Variants in TRAP1 observed in about 807,000 individuals in gnomAD.
TRAP1 encodes the protein TNF receptor associated protein 1.
In TRAP1, 102 loss-of-function variants were observed where a neutral mutation model predicts 89.1. The ratio of observed to expected loss-of-function variants is 1.15; its 90% CI spans 0.98 to 1.35. The LOEUF (loss-of-function observed/expected upper bound fraction) is 1.35. Among genes scored for constraint, TRAP1 ranks in the 40% most tolerant of loss-of-function variants. TRAP1 has a pLI of 0.00. For missense variants in TRAP1, 1,256 were observed against 945.3 expected, an observed-to-expected ratio of 1.33 and a Z score of -4.31; for synonymous variants, 508 against 388.0, an observed-to-expected ratio of 1.31 and a Z score of -3.64.
intron 1 of TRAP1, chr16:3,691,267 G>A (rs948204632): frequency 2.4e-5 from 6 of 251,218 alleles, no homozygotes; most frequent in Non-Finnish European, 3.8e-5. Context: ...AGGGGGTCTC[G>A]CTCTGTCACT....
At chr16:3,707,928 T>G (rs192332057) in intron 1 of TRAP1, among the ~76,000 whole-genome samples, 143 of 151,250 alleles carry the variant, frequency 9.5e-4, no homozygotes, top group African/African-American at 3.3e-3. Context: ...CTCCTGCGTG[T>G]AATCCCAGTA....
At position 3,677,776 on chromosome 16, in the gene TRAP1, G is replaced by A. The variant is rs369769321; in HGVS notation, c.544-118C>T. The A allele has an allele frequency of 2.7e-5, 33 of 1,235,730 alleles. No individual in the cohort carries two copies. The South Asian group carries it at 3.2e-4, about 12-fold the overall frequency. The allele number at this position is 1,235,730 out of a possible 1,614,324, so 76.5% of individuals were successfully genotyped here. On this transcript the variant is annotated intron_variant, in intron 5 of 17. Transcript: ENST00000246957. ...CCTTCATCCTGAAAACAGCCACACC[G>A]AGTACTTTTCCACCCCATTCTACAC...
At chr16:3,661,268 A>C (rs2043056936) in intron 16 of TRAP1, 1 of 152,168 alleles carries the variant, frequency 6.6e-6, no homozygotes, top group East Asian at 1.9e-4. Flanking sequence ...AAAAGAAAGA[A>C]ACTCAAAAGA....
intron 11 of TRAP1, among the ~76,000 whole-genome samples, chr16:3,667,757 ATT>A (rs745741003): frequency 1.1e-3 from 125 of 117,726 alleles, no homozygotes; most frequent in African/African-American, 2.5e-3. Flanking sequence ...TAACACATCA[ATT>A]TTTTTTTTTT....
At chr16:3,687,925 C>T (rs1307115163) in intron 3 of TRAP1, among the ~76,000 whole-genome samples, 1 of 148,874 alleles carries the variant, frequency 6.7e-6, no homozygotes, top group South Asian at 2.1e-4. Flanking sequence ...CGCAAGAGCA[C>T]ATAGGTGAAG....
At chr16:3,669,867 A>G (rs28464270) in intron 11 of TRAP1, among the ~76,000 whole-genome samples, 59,169 of 143,956 alleles carry the variant, frequency 0.41, 15,717 homozygotes, top group African/African-American at 0.75. Context: ...AAAAGATTTC[A>G]GAACAAAGAT....
At chr16:3,675,522 G>C (rs1206421279) in intron 7 of TRAP1, 125 bp from the exon 8 acceptor site, 2 of 880,344 alleles carry the variant, frequency 2.3e-6, no homozygotes, top group Non-Finnish European at 3.6e-6. Flanking sequence ...ACACTTCACA[G>C]GTACAGAAAC....
intron 1 of TRAP1, among the ~76,000 whole-genome samples, chr16:3,714,967 G>T (rs556462330): frequency 6.6e-6 from 1 of 152,072 alleles, no homozygotes; most frequent in Non-Finnish European, 1.5e-5. Flanking sequence ...TTCTCTCATC[G>T]TTCAATCAAT....
In TRAP1 at chr16:3,677,597, C is replaced by A; in HGVS notation, c.605G>T (p.Gly202Val). Reference protein sequence around the residue: ...EASSKIIGQFGVGFYSAFMVA... With the variant: ...EASSKIIGQFVVGFYSAFMVA... ...CATGAAAGCTGAGTAGAAACCCACT[C>A]CAAACTGGCCGATGATCTTGCTGCT... Residue 202 changes from glycine to valine, a missense_variant, in exon 6 of 18, where the codon GGA becomes GTA. Transcript: ENST00000246957. The A allele has an allele frequency of 6.2e-7, 1 of 1,614,178 alleles. No individual in the cohort carries two copies. Among genetic ancestry groups the A allele is most frequent in the Non-Finnish European group, 8.5e-7 (1 of 1,180,032 alleles).
chr16:3,674,465 GA>G lies in TRAP1; in HGVS notation c.917del (p.Val306AlafsTer43). On this transcript the variant is annotated frameshift_variant, in exon 9 of 18. Coordinates refer to ENST00000246957, the MANE Select transcript of TRAP1 (RefSeq NM_016292.3). LOFTEE classifies it high-confidence loss of function. ...QAIWMMDPKD[V>X]REWQHEEFYR... ...AGAACTCCTCATGTTGCCACTCACG[GA>G]CATCCTTGGGGTCCATCATCCAGAT... 1 of 1,614,024 alleles carries G rather than the reference GA, an allele frequency of 6.2e-7. No homozygotes were observed. The highest frequency in any genetic ancestry group is 8.5e-7 in the Non-Finnish European group (1 of 1,180,016).
intron 14 of TRAP1, 28 bp from the exon 15 acceptor site, chr16:3,662,995 C>G (rs2043172041): frequency 1.3e-6 from 2 of 1,558,662 alleles, no homozygotes; most frequent in African/African-American, 1.4e-5. Context: ...ACAGGGAGCT[C>G]AGGCCTGCAT....
At chr16:3,667,410 G>A (rs2050851085) in intron 11 of TRAP1, among the ~76,000 whole-genome samples, 1 of 151,964 alleles carries the variant, frequency 6.6e-6, no homozygotes, top group Non-Finnish European at 1.5e-5. Flanking sequence ...GATCACCAGA[G>A]GTCAGGAGTT....
intron 1 of TRAP1, among the ~76,000 whole-genome samples, chr16:3,705,269 C>G (rs548660308): frequency 6.6e-6 from 1 of 151,982 alleles, no homozygotes; most frequent in Non-Finnish European, 1.5e-5. Context: ...CAGGGTTTCA[C>G]CATGTTAGCC....
chr16:3,658,260 AG>A lies in TRAP1; in HGVS notation c.2014-31del, dbSNP rs760340896. On this transcript the variant is annotated intron_variant, in intron 17 of 17. Coordinates refer to ENST00000246957, the MANE Select transcript of TRAP1 (RefSeq NM_016292.3). ...AAGGCAAGAGGAGAAACCCATTATGAGGGGCATGGGGCACCTTTTCATTTTT... is the reference window on the plus strand; with the variant it reads ...AAGGCAAGAGGAGAAACCCATTATGAGGGCATGGGGCACCTTTTCATTTTT... The A allele has an allele frequency of 5.8e-6, 9 of 1,540,926 alleles. No homozygotes were observed. The African/African-American group carries it at 9.7e-5, about 17-fold the overall frequency.
intron 1 of TRAP1, among the ~76,000 whole-genome samples, chr16:3,695,535 C>G (rs188863183): frequency 1.0e-5 from 1 of 99,496 alleles, no homozygotes; most frequent in Non-Finnish European, 1.8e-5. Context: ...GACTCTGTCT[C>G]GAAAAAAAAA....
intron 8 of TRAP1, chr16:3,674,940 C>T (rs771860456): frequency 7.8e-5 from 25 of 318,976 alleles, no homozygotes; most frequent in Non-Finnish European, 1.1e-4. Context: ...GAAAGGAGAC[C>T]GTGGCTGCTG....
At chr16:3,702,964 C>A (rs769892109) in intron 1 of TRAP1, among the ~76,000 whole-genome samples, 5 of 149,068 alleles carry the variant, frequency 3.4e-5, no homozygotes, top group Admixed American at 2.7e-4. Context: ...ATCGCTTGAA[C>A]CCAGGAGGTG....
At position 3,690,986 on chromosome 16, in the gene TRAP1, C is replaced by G; in HGVS notation, c.89-1G>C. On this transcript the variant is annotated splice_acceptor_variant, in intron 1 of 17. Transcript: ENST00000246957. LOFTEE classifies it high-confidence loss of function. Reference sequence around the variant, plus strand: ...CTCCGAGGACACAGAATTGGTTTTCCTGAAAAGACAAATATGCAGAAAGAA... The same window carrying G: ...CTCCGAGGACACAGAATTGGTTTTCGTGAAAAGACAAATATGCAGAAAGAA... The G allele has an allele frequency of 1.3e-6, 2 of 1,488,056 alleles. No homozygotes were observed. The highest frequency in any genetic ancestry group is 1.8e-6 in the Non-Finnish European group (2 of 1,116,284). The allele number at this position is 1,488,056 out of a possible 1,614,324, so 92.2% of individuals were successfully genotyped here.
chr16:3,670,973 A>G (rs1035939944), intron 11 of TRAP1, among the ~76,000 whole-genome samples: 1 of 151,780 alleles, frequency 6.6e-6, no homozygotes, highest in East Asian at 1.9e-4. Flanking sequence ...ACACACACCA[A>G]TTACCCAGAC....
Sources: allele counts gnomAD v4.1 joint callset (sites outside exome capture counted in the v4.1 genomes callset), GRCh38; gene constraint gnomAD v4.1.1; transcripts MANE v1.5; gene names NCBI Gene and HGNC (gene_info 2026-07-23, HGNC 2026-07-21).